Variants in ASIC3 observed in about 807,000 individuals in gnomAD.
ASIC3 encodes the protein acid sensing ion channel subunit 3.
A neutral mutation model predicts 58.6 loss-of-function variants in ASIC3; 46 were observed. The observed-to-expected ratio is 0.79, with a 90% CI of 0.62 to 1.00. The LOEUF is 1.00. Among genes scored for constraint, ASIC3 ranks in the 50% least tolerant of loss-of-function variants. ASIC3 has a pLI of 0.00. For missense variants in ASIC3, 770 were observed against 735.0 expected (o/e 1.05, Z -0.55); for synonymous variants, 336 against 300.2 (o/e 1.12, Z -1.23).
At position 151,052,076 on chromosome 7, in the gene ASIC3, C is replaced by T; in HGVS notation, c.1386+14C>T. 1 of 1,613,868 alleles carries T rather than the reference C, an allele frequency of 6.2e-7. No individual in the cohort carries two copies. The highest frequency in any genetic ancestry group is 1.7e-5 in the Admixed American group (1 of 60,008). On this transcript the variant is annotated intron_variant, in intron 8 of 10. Transcript: ENST00000349064. The surrounding 1 kb of genome is among the most constrained non-coding windows in gnomAD (Gnocchi z 5.0). ...TACCTCTGTGAGGTGGGCCAGGGCC[C>T]CCACTGCAGGGGGTGGGAGGTGGGA...
At chr7:151,051,129 C>G (rs1387255350) in intron 5 of ASIC3, 34 bp downstream of exon 5, 9 of 1,601,026 alleles carry the variant, frequency 5.6e-6, no homozygotes, top group African/African-American at 1.3e-5. Context: ...CCCGTCCGCC[C>G]CGCTCCGCCC....
rs1796713127 is a variant in ASIC3 at position 151,049,434 on chromosome 7, C to T, written c.534+15C>T. ...ACTTCACCACGGTGAGCTGACCTCC[C>T]TACCTATCCTGCCAGGGACCCAGAG... On this transcript the variant is annotated intron_variant, in intron 1 of 10. Coordinates refer to ENST00000349064, the MANE Select transcript of ASIC3 (RefSeq NM_004769.4). 7 of 1,558,396 alleles carry T rather than the reference C, an allele frequency of 4.5e-6. No homozygotes were observed. In the South Asian group the frequency reaches 8.4e-5, roughly 19 times the overall value.
Position 151,048,607 on chromosome 7 carries a change from C to G in ASIC3, c.-279C>G. ...CCTGCCTGCCACGGTCAGCTACGTC[C>G]CACCTGGTCTGCTGCGGAGTCCCCA... On this transcript the variant is annotated 5_prime_UTR_variant, in exon 1 of 11. Coordinates refer to ENST00000349064, the MANE Select transcript of ASIC3 (RefSeq NM_004769.4). The G allele has an allele frequency of 2.3e-6, 1 of 442,490 alleles. No individual in the cohort carries two copies. Among genetic ancestry groups the G allele is most frequent in the Non-Finnish European group, 4.0e-6 (1 of 250,934 alleles). The allele number at this position is 442,490 out of a possible 1,614,324, so 27.4% of individuals were successfully genotyped here.
chr7:151,051,103 C>T lies in ASIC3; in HGVS notation c.1066+8C>T. On this transcript the variant is annotated splice_region_variant and intron_variant, in intron 5 of 10. Transcript: ENST00000349064. The stretch of plus-strand genomic sequence containing the variant: ...GTGCCCACCCGGCCATAGGTAAGGG[C>T]GAGCCTCCCCCACCTCCCGTCCGCC... The T allele has an allele frequency of 6.2e-7, 1 of 1,610,060 alleles. No homozygotes were observed. The highest frequency in any genetic ancestry group is 1.1e-5 in the South Asian group (1 of 90,964).
rs777598948 is a variant in ASIC3 at position 151,052,252 on chromosome 7, T to C, written c.1458+15T>C. ...GCACCAATCTGGTAACAGCCCCTCT[T>C]CTGGAGCCCTTGCCTGCTCCAAGGG... On this transcript the variant is annotated intron_variant, in intron 9 of 10. Transcript: ENST00000349064. The surrounding 1 kb of genome is among the most constrained non-coding windows in gnomAD (Gnocchi z 5.0). 4 of 1,613,954 alleles carry C rather than the reference T, an allele frequency of 2.5e-6. No individual in the cohort carries two copies. Among genetic ancestry groups the C allele is most frequent in the Non-Finnish European group, 3.4e-6 (4 of 1,179,964 alleles).
Position 151,051,310 on chromosome 7 carries a change from C to T in ASIC3, c.1205C>T (p.Ala402Val), listed in dbSNP as rs2150359427. ...GCCCGGAAGCTCAACCGCAGCGAGG[C>T]CTACATCGCGTGAGCTGCGCGGGGC... is the stretch of plus-strand genomic sequence containing the variant. ...FLARKLNRSE[A>V]YIAENVLALD... is the part of the protein sequence containing the mutation. Residue 402 changes from alanine (A) to valine (V), a missense_variant, in exon 6 of 11, where the codon GCC becomes GTC. Physicochemically the swap from Ala to Val is moderately conservative, Grantham distance 64. Coordinates refer to ENST00000349064, the MANE Select transcript of ASIC3 (RefSeq NM_004769.4). 1 of 1,510,474 alleles carries T rather than the reference C, an allele frequency of 6.6e-7. No homozygotes were observed. 93.6% of individuals were successfully genotyped at this position (1,510,474 alleles called of 1,614,324 possible).
chr7:151,049,707 G>C (rs1257372097), intron 1 of ASIC3, among the ~76,000 whole-genome samples: 1 of 152,220 alleles, frequency 6.6e-6, no homozygotes. Context: ...TCCTGGGGCT[G>C]GGGGTCCTCC....
chr7:151,050,354 G>T, intron 2 of ASIC3, 98 bp downstream of exon 2: 2 of 1,566,508 alleles, frequency 1.3e-6, no homozygotes, highest in Non-Finnish European at 1.7e-6. Context: ...TGTTCCCCCA[G>T]AACCTGTGAA....
chr7:151,050,884 G>C lies in ASIC3; in HGVS notation c.940G>C (p.Gly314Arg). The C allele has an allele frequency of 6.2e-7, 1 of 1,613,418 alleles. No individual in the cohort carries two copies. The highest frequency in any genetic ancestry group is 8.5e-7 in the Non-Finnish European group (1 of 1,180,016). ...CCCCAGCCCTCCCTATACCCTTATG[G>C]GGTGTCGCCTGGCCTGCGAAACCCG... ...PSPSPPYTLM[G>R]CRLACETRYV... Residue 314 changes from glycine to arginine, a missense_variant, in exon 4 of 11, where the codon GGG becomes CGG. By Grantham distance (125) the Gly-to-Arg change is moderately radical. Coordinates refer to ENST00000349064, the MANE Select transcript of ASIC3 (RefSeq NM_004769.4).
In ASIC3 at chr7:151,049,224, G is replaced by A. The variant is rs151199388; in HGVS notation, c.339G>A (p.Ala113=). 1.3e-5 allele frequency: 21 copies of A among 1,611,986 alleles called. No homozygotes were observed. Among genetic ancestry groups the A allele is most frequent in the East Asian group, 2.2e-5 (1 of 44,822 alleles). ...TPNDLHWAGS[A]LLGLDPAEHA... is the part of the protein sequence containing the mutation. The stretch of plus-strand genomic sequence containing the variant: ...ACGACCTGCACTGGGCTGGGTCTGC[G>A]CTGCTGGGCCTGGATCCCGCAGAGC... Residue 113 remains alanine (A), a synonymous_variant, in exon 1 of 11, where the codon GCG becomes GCA. Coordinates refer to ENST00000349064, the MANE Select transcript of ASIC3 (RefSeq NM_004769.4).
In ASIC3 at chr7:151,050,169, A is replaced by G; in HGVS notation, c.598A>G (p.Thr200Ala). 1 of 1,614,118 alleles carries G rather than the reference A, an allele frequency of 6.2e-7. No individual in the cohort carries two copies. The highest frequency in any genetic ancestry group is 1.1e-5 in the South Asian group (1 of 91,074). ...TGGCGCTGATGGGGCAGAGCTGCTCACCACTACTAGGGGTGGCATGGGCAA... is the reference window on the plus strand; with the variant it reads ...TGGCGCTGATGGGGCAGAGCTGCTCGCCACTACTAGGGGTGGCATGGGCAA... ...NSGADGAELL[T>A]TTRGGMGNGL... The change falls in exon 2 of 11, where the codon ACC becomes GCC. Residue 200 changes from threonine to alanine, a missense_variant. Coordinates refer to ENST00000349064, the MANE Select transcript of ASIC3 (RefSeq NM_004769.4).
At chr7:151,051,660 C>T in intron 6 of ASIC3, 150 bp from the exon 7 acceptor site, 1 of 787,802 alleles carries the variant, frequency 1.3e-6, no homozygotes, top group Non-Finnish European at 2.0e-6. Flanking sequence ...CCTCCTCATC[C>T]TCCCAAAGTG....
chr7:151,050,909 G>A lies in ASIC3; in HGVS notation c.965G>A (p.Arg322His), dbSNP rs867693067. ...GGGTGTCGCCTGGCCTGCGAAACCCGCTACGTGGCTCGGAAGTGCGGCTGC... is the reference window on the plus strand; with the variant it reads ...GGGTGTCGCCTGGCCTGCGAAACCCACTACGTGGCTCGGAAGTGCGGCTGC... ...LMGCRLACET[R>H]YVARKCGCRM... The change falls in exon 4 of 11, where the codon CGC becomes CAC. Residue 322 changes from arginine to histidine, a missense_variant. Arg to His is a conservative substitution (Grantham distance 29). Transcript: ENST00000349064. 2.5e-6 allele frequency: 4 copies of A among 1,613,380 alleles called. No homozygotes were observed. The highest frequency in any genetic ancestry group is 1.7e-5 in the Admixed American group (1 of 60,008).
Position 151,052,342 on chromosome 7 carries a change from G to A in ASIC3, c.1459-74G>A. 1.1e-5 allele frequency: 17 copies of A among 1,612,550 alleles called. No homozygotes were observed. The highest frequency in any genetic ancestry group is 1.4e-5 in the Non-Finnish European group (16 of 1,179,390). On this transcript the variant is annotated intron_variant, in intron 9 of 10. Coordinates refer to ENST00000349064, the MANE Select transcript of ASIC3 (RefSeq NM_004769.4). The surrounding 1 kb of genome is among the most constrained non-coding windows in gnomAD (Gnocchi z 5.0). ...CCCAGCTGAGGAGAAACAGGCAGGA[G>A]GGTGTGCAGTGACCTCGACTGGTCC...
Position 151,052,390 on chromosome 7 carries a change from CCT to C in ASIC3, c.1459-23_1459-22del. Reference sequence around the variant, plus strand: ...TCCCTGGGAGGAGGACCACTCCCCACCTCTGACCCTCTCGTCCTCACACAGCT... The same window carrying C: ...TCCCTGGGAGGAGGACCACTCCCCACCTGACCCTCTCGTCCTCACACAGCT... On this transcript the variant is annotated intron_variant, in intron 9 of 10. Coordinates refer to ENST00000349064, the MANE Select transcript of ASIC3 (RefSeq NM_004769.4). The surrounding 1 kb of genome is among the most constrained non-coding windows in gnomAD (Gnocchi z 5.0). The C allele has an allele frequency of 6.2e-7, 1 of 1,613,850 alleles. No individual in the cohort carries two copies.
intron 3 of ASIC3, 68 bp from the exon 4 acceptor site, chr7:151,050,690 C>T: frequency 6.2e-7 from 1 of 1,605,946 alleles, no homozygotes; most frequent in South Asian, 1.1e-5. Flanking sequence ...TCAGACCTGT[C>T]TAGGGGCCTC....
In ASIC3 at chr7:151,049,331, T is replaced by C. The variant is rs1796708903; in HGVS notation, c.446T>C (p.Leu149Pro). 4.3e-6 allele frequency: 7 copies of C among 1,613,124 alleles called. No homozygotes were observed. The highest frequency in any genetic ancestry group is 5.9e-6 in the Non-Finnish European group (7 of 1,179,954). Reference protein sequence around the residue: ...MPSPTFDMAQLYARAGHSLDD... With the variant: ...MPSPTFDMAQPYARAGHSLDD... ...AGTCCCACCTTTGACATGGCGCAAC[T>C]CTATGCCCGTGCTGGGCACTCCCTG... is the stretch of plus-strand genomic sequence containing the variant. The change falls in exon 1 of 11, where the codon CTC (leucine) becomes CCC (proline). Residue 149 changes from leucine to proline, a missense_variant. Transcript: ENST00000349064.
At position 151,049,784 on chromosome 7, in the gene ASIC3, C is replaced by G. The variant is rs372164671; in HGVS notation, c.535-322C>G. 2.6e-5 allele frequency among the ~76,000 whole-genome samples: 4 copies of G among 152,312 alleles called. No homozygotes were observed. The East Asian group carries it at 5.8e-4, about 22-fold the overall frequency. ...AGGAGGTGGGGGGGGCTTGCTTTCC[C>G]TCTGCCTTTTCAACATACTGCCAGC... On this transcript the variant is annotated intron_variant, in intron 1 of 10. Coordinates refer to ENST00000349064, the MANE Select transcript of ASIC3 (RefSeq NM_004769.4).
chr7:151,050,333 A>T (rs187900850), intron 2 of ASIC3, 77 bp downstream of exon 2: 42 of 1,570,180 alleles, frequency 2.7e-5, no homozygotes, highest in Admixed American at 1.2e-4. Context: ...GGAGGAGAGG[A>T]GGTGTCAGGG....
Sources: gnomAD v4.1 joint callset for allele counts (sites outside exome capture counted in the v4.1 genomes callset) on GRCh38, gnomAD v4.1.1 for gene constraint, Gnocchi (gnomAD v3.1) non-coding constraint, MANE v1.5 for transcripts, NCBI Gene and HGNC (gene_info 2026-07-23, HGNC 2026-07-21) for gene names.